Variants in RPS6KA1 observed in about 807,000 individuals in gnomAD.
The protein encoded by RPS6KA1 is ribosomal protein S6 kinase alpha-1.
In RPS6KA1, 48 loss-of-function variants were observed where a neutral mutation model predicts 91.3. That is an observed-to-expected ratio of 0.53 (90% confidence interval 0.42 to 0.67). RPS6KA1 has a LOEUF of 0.67. Among genes scored for constraint, RPS6KA1 ranks in the 30% least tolerant of loss-of-function variants. The pLI is 0.00. For missense variants in RPS6KA1, 719 were observed against 960.5 expected (o/e 0.75, Z 3.32); for synonymous variants, 359 against 384.7 (o/e 0.93, Z 0.78).
intron 1 of RPS6KA1, among the ~76,000 whole-genome samples, chr1:26,533,280 A>G (rs541818754): frequency 6.6e-5 from 10 of 152,238 alleles, no homozygotes; most frequent in African/African-American, 2.4e-4. Flanking sequence ...GGTTTTCACC[A>G]TGTTGACCAG....
intron 17 of RPS6KA1, among the ~76,000 whole-genome samples, chr1:26,562,825 C>CTTTTTTTTTTTTTTTTTTTTTTTTTT (rs748764001): frequency 3.7e-5 from 3 of 81,434 alleles, no homozygotes; most frequent in African/African-American, 1.0e-4. Context: ...TCCTATTGTC[C>CTTTTTTTTTTTTTTTTTTTTTTTTTT]TTTTTTTTTT....
chr1:26,529,967 T>G lies in RPS6KA1; in HGVS notation c.47T>G (p.Val16Gly). 7.0e-7 allele frequency: 1 copy of G among 1,428,896 alleles called. No homozygotes were observed. Among genetic ancestry groups the G allele is most frequent in the Non-Finnish European group, 9.2e-7 (1 of 1,092,038 alleles). The allele number at this position is 1,428,896 out of a possible 1,614,324, so 88.5% of individuals were successfully genotyped here. ...LKEPWPLMEL[V>G]PLDPENGQTS... is the part of the protein sequence containing the mutation. ...GAGCCCTGGCCGCTCATGGAGCTAG[T>G]GCCTCTGGACCCGGAGGTGAGTGAG... The change falls in exon 1 of 22, where the codon GTG becomes GGG. Residue 16 changes from valine (V) to glycine (G), a missense_variant. Coordinates refer to ENST00000374168, the MANE Select transcript of RPS6KA1 (RefSeq NM_002953.4). This position sits in a 1 kb window ranked among gnomAD's most constrained non-coding sequence, Gnocchi z 4.2.
In RPS6KA1 at chr1:26,529,795, C is replaced by A. The variant is rs1570412337; in HGVS notation, c.-126C>A. ...GTGCCGCGGCGGCGGCGGCGGACGG[C>A]CCAGCCGGAGCGCGAGGGGCTCGGG... On this transcript the variant is annotated 5_prime_UTR_variant, in exon 1 of 22. Transcript: ENST00000374168. The surrounding 1 kb of genome is among the most constrained non-coding windows in gnomAD (Gnocchi z 4.2). The A allele has an allele frequency of 1.6e-6, 1 of 637,292 alleles. No homozygotes were observed. Among genetic ancestry groups the A allele is most frequent in the Non-Finnish European group, 2.1e-6 (1 of 469,858 alleles). The allele number at this position is 637,292 out of a possible 1,614,324, so 39.5% of individuals were successfully genotyped here.
At chr1:26,546,771 C>A in intron 2 of RPS6KA1, 96 bp from the exon 3 acceptor site, 1 of 866,446 alleles carries the variant, frequency 1.2e-6, no homozygotes, top group Non-Finnish European at 1.9e-6. Flanking sequence ...CTTTAGGTTC[C>A]ATCTGCTGTG....
Position 26,554,700 on chromosome 1 carries a change from TC to T in RPS6KA1, c.721del (p.His241IlefsTer11), listed in dbSNP as rs1246403826. ...APEVVNRQGHSHSADWWSYGV... is the reference protein window; with the variant it reads ...APEVVNRQGHXHSADWWSYGV... ...TGAGGTCGTCAACCGCCAGGGCCAC[TC>T]CCATAGTGCGGACTGGTGGTCCTAT... On this transcript the variant is annotated frameshift_variant, in exon 9 of 22. Coordinates refer to ENST00000374168, the MANE Select transcript of RPS6KA1 (RefSeq NM_002953.4). LOFTEE classifies it high-confidence loss of function. This position sits in a 1 kb window ranked among gnomAD's most constrained non-coding sequence, Gnocchi z 4.6. 6.2e-7 allele frequency: 1 copy of T among 1,612,314 alleles called. No homozygotes were observed. Among genetic ancestry groups the T allele is most frequent in the Admixed American group, 1.7e-5 (1 of 59,940 alleles).
chr1:26,555,775 A>C lies in RPS6KA1; in HGVS notation c.916+150A>C, dbSNP rs992030745. On this transcript the variant is annotated intron_variant, in intron 11 of 21. Coordinates refer to ENST00000374168, the MANE Select transcript of RPS6KA1 (RefSeq NM_002953.4). The surrounding 1 kb of genome is among the most constrained non-coding windows in gnomAD (Gnocchi z 4.3). ...GCGGGCCACCCTGCTTTCTGGCTCCATGTGTGGTGTTGTGGAGGGGGGAGT... is the reference window on the plus strand; with the variant it reads ...GCGGGCCACCCTGCTTTCTGGCTCCCTGTGTGGTGTTGTGGAGGGGGGAGT... The C allele has an allele frequency of 2.6e-6, 2 of 770,622 alleles. No homozygotes were observed. Among genetic ancestry groups the C allele is most frequent in the East Asian group, 2.7e-5 (1 of 37,294 alleles). The allele number at this position is 770,622 out of a possible 1,614,324, so 47.7% of individuals were successfully genotyped here. A position where few individuals can be genotyped will look rare whatever the true frequency, so the allele number is the denominator to read the frequency against.
At chr1:26,573,421 G>T in intron 21 of RPS6KA1, 60 bp downstream of exon 21, 2 of 1,599,464 alleles carry the variant, frequency 1.3e-6, no homozygotes, top group South Asian at 1.1e-5. Context: ...GCATGGTCAG[G>T]GACTTGTGGA....
chr1:26,573,808 A>C (rs2076271415), intron 21 of RPS6KA1, among the ~76,000 whole-genome samples: 1 of 151,964 alleles, frequency 6.6e-6, no homozygotes, highest in African/African-American at 2.4e-5. Flanking sequence ...TGTGGTGGCA[A>C]GCGCCTGTAA....
chr1:26,546,743 G>T, intron 2 of RPS6KA1, 124 bp from the exon 3 acceptor site: 1 of 688,846 alleles, frequency 1.5e-6, no homozygotes, highest in South Asian at 1.7e-5. Context: ...AGCCCTTCAG[G>T]GAAGTCGTCT....
intron 17 of RPS6KA1, among the ~76,000 whole-genome samples, chr1:26,569,829 C>G (rs949182339): frequency 1.3e-5 from 2 of 152,152 alleles, no homozygotes; most frequent in African/African-American, 4.8e-5. Context: ...ACCGAAGGAG[C>G]CCCTGGTGGC....
chr1:26,546,497 A>G (rs919692503), intron 2 of RPS6KA1, among the ~76,000 whole-genome samples: 2 of 152,196 alleles, frequency 1.3e-5, no homozygotes, highest in African/African-American at 2.4e-5. Context: ...TATGAGAACA[A>G]GCCTACTTCC....
intron 17 of RPS6KA1, among the ~76,000 whole-genome samples, chr1:26,565,410 G>A (rs1023265070): frequency 6.6e-6 from 1 of 151,874 alleles, no homozygotes. Context: ...TTCAAAAAGT[G>A]AATACACCTG....
intron 14 of RPS6KA1, among the ~76,000 whole-genome samples, chr1:26,559,409 C>T (rs2076134459): frequency 6.6e-6 from 1 of 152,068 alleles, no homozygotes. Context: ...CTCTGTTGCC[C>T]AGGCTGGAGT....
chr1:26,541,345 A>G (rs953757568), intron 2 of RPS6KA1, among the ~76,000 whole-genome samples: 11 of 151,628 alleles, frequency 7.3e-5, no homozygotes, highest in Non-Finnish European at 1.0e-4. Flanking sequence ...GCCTGAGCTC[A>G]GGAGTTTGAG....
Position 26,551,093 on chromosome 1 carries a change from G to A in RPS6KA1, c.308-304G>A, listed in dbSNP as rs187535560. On this transcript the variant is annotated intron_variant, in intron 4 of 21. Coordinates refer to ENST00000374168, the MANE Select transcript of RPS6KA1 (RefSeq NM_002953.4). The surrounding 1 kb of genome is among the most constrained non-coding windows in gnomAD (Gnocchi z 4.5). ...GAACCCTGGGGGAGCAGGTTGCTCAGACTGGCTGATTAACAGGTCTTGATG... is the reference window on the plus strand; with the variant it reads ...GAACCCTGGGGGAGCAGGTTGCTCAAACTGGCTGATTAACAGGTCTTGATG... Among the ~76,000 whole-genome samples, 1 of 152,314 alleles carries A rather than the reference G, an allele frequency of 6.6e-6. No homozygotes were observed. Among genetic ancestry groups the A allele is most frequent in the East Asian group, 1.9e-4 (1 of 5,170 alleles).
chr1:26,574,633 C>G lies in RPS6KA1; in HGVS notation c.*432C>G. 2.7e-6 allele frequency: 1 copy of G among 367,608 alleles called. No individual in the cohort carries two copies. Among genetic ancestry groups the G allele is most frequent in the Non-Finnish European group, 5.3e-6 (1 of 187,736 alleles). The allele number at this position is 367,608 out of a possible 1,614,324, so 22.8% of individuals were successfully genotyped here. ...ACCTGTAGCCATCTGCACACACCTCCGAGACAGTCCAGTGTCACCTCTCTC... is the reference window on the plus strand; with the variant it reads ...ACCTGTAGCCATCTGCACACACCTCGGAGACAGTCCAGTGTCACCTCTCTC... On this transcript the variant is annotated 3_prime_UTR_variant, in exon 22 of 22. Coordinates refer to ENST00000374168, the MANE Select transcript of RPS6KA1 (RefSeq NM_002953.4). The surrounding 1 kb of genome is among the most constrained non-coding windows in gnomAD (Gnocchi z 4.3).
At chr1:26,567,515 G>A (rs2076213978) in intron 17 of RPS6KA1, among the ~76,000 whole-genome samples, 1 of 152,112 alleles carries the variant, frequency 6.6e-6, no homozygotes, top group African/African-American at 2.4e-5. Flanking sequence ...CGAGTAGCTG[G>A]GACTACAGAT....
chr1:26,537,045 G>T (rs1330194189), intron 2 of RPS6KA1, 76 bp downstream of exon 2: 4 of 1,495,874 alleles, frequency 2.7e-6, no homozygotes, highest in Middle Eastern at 1.7e-4. Context: ...GAGGTTGAGG[G>T]CTCCAGCCTC....
In RPS6KA1 at chr1:26,554,232, G is replaced by A; in HGVS notation, c.594G>A (p.Glu198=). ...LKPENILLDE[E]GHIKLTDFGL... ...ATTACAGCATCCTTCTGGATGAGGA[G>A]GGCCACATCAAACTCACTGGTGAGT... The change falls in exon 8 of 22, where the codon GAG becomes GAA. Residue 198 remains glutamate, a synonymous_variant. Coordinates refer to ENST00000374168, the MANE Select transcript of RPS6KA1 (RefSeq NM_002953.4). This position sits in a 1 kb window ranked among gnomAD's most constrained non-coding sequence, Gnocchi z 4.6. 1 of 1,556,646 alleles carries A rather than the reference G, an allele frequency of 6.4e-7. No homozygotes were observed. Among genetic ancestry groups the A allele is most frequent in the Non-Finnish European group, 8.7e-7 (1 of 1,149,698 alleles).
Sources: gnomAD v4.1 joint callset for allele counts (sites outside exome capture counted in the v4.1 genomes callset) on GRCh38, gnomAD v4.1.1 for gene constraint, Gnocchi (gnomAD v3.1) non-coding constraint, MANE v1.5 for transcripts, NCBI Gene and HGNC (gene_info 2026-07-23, HGNC 2026-07-21) for gene names.